Variants in GOLGA3 observed in about 807,000 individuals in gnomAD.
GOLGA3 encodes the protein golgin A3, also known as golgin subfamily A member 3.
In GOLGA3, 75 loss-of-function variants were observed where a neutral mutation model predicts 169.4. That is an observed-to-expected ratio of 0.44 (90% CI 0.37 to 0.54). The LOEUF (loss-of-function observed/expected upper bound fraction) is 0.54, where lower values mean the gene tolerates loss of function less well. Ranked by LOEUF, GOLGA3 falls within the 20% of genes least tolerant of loss-of-function variation. GOLGA3 has a pLI of 0.00. For missense variants in GOLGA3, 1,899 were observed against 1,930.0 expected, an observed-to-expected ratio of 0.98 and a Z score of 0.30; for synonymous variants, 824 against 822.4, an observed-to-expected ratio of 1.00 and a Z score of -0.03.
chr12:132,774,831 C>G, intron 22 of GOLGA3: 1 of 486,042 alleles, frequency 2.1e-6, no homozygotes, highest in Admixed American at 3.8e-5. Context: ...CTGGGCACAG[C>G]TCCCGGGCCC....
rs199615239 is a variant in GOLGA3 at position 132,784,326 on chromosome 12, C to T, written c.3124-19G>A. 1.6e-4 allele frequency: 256 copies of T among 1,596,292 alleles called. No individual in the cohort carries two copies. The Admixed American group carries it at 2.9e-3, about 18-fold the overall frequency. ...TCCTTTCCTAAGGGCCAAGATGGAA[C>T]GGGCGCTTGGTCATGGGACAGGCCC... On this transcript the variant is annotated intron_variant, in intron 15 of 23. Coordinates refer to ENST00000450791, the MANE Select transcript of GOLGA3 (RefSeq NM_001389683.1).
At position 132,789,154 on chromosome 12, in the gene GOLGA3, C is replaced by T. The variant is rs377011960; in HGVS notation, c.2684G>A (p.Arg895Gln). 24 of 1,612,454 alleles carry T rather than the reference C, an allele frequency of 1.5e-5. No homozygotes were observed. The highest frequency in any genetic ancestry group is 1.6e-4 in the Middle Eastern group (1 of 6,084). The change falls in exon 13 of 24, where the codon CGG (arginine) becomes CAG (glutamine). Residue 895 changes from arginine (R) to glutamine (Q), a missense_variant. Transcript: ENST00000450791. ...GCGCGAGAGCTCCGCCTCGGCAGTC[C>T]GCTTCTCCCCGTGCACTTGCATCAG... The part of the protein sequence containing the change: ...QELMQVHGEK[R>Q]TAEAELSRLH...
chr12:132,775,307 T>C lies in GOLGA3; in HGVS notation c.3979-2A>G, dbSNP rs754950471. ...CATCTCCAACTCAGACTTGACGTTCTGTGGAAAATGAAGTCAGATTTTTAA... is the reference window on the plus strand; with the variant it reads ...CATCTCCAACTCAGACTTGACGTTCCGTGGAAAATGAAGTCAGATTTTTAA... On this transcript the variant is annotated splice_acceptor_variant, in intron 21 of 23. Coordinates refer to ENST00000450791, the MANE Select transcript of GOLGA3 (RefSeq NM_001389683.1). LOFTEE classifies it high-confidence loss of function. 6.3e-7 allele frequency: 1 copy of C among 1,593,534 alleles called. No homozygotes were observed. The highest frequency in any genetic ancestry group is 8.5e-7 in the Non-Finnish European group (1 of 1,171,446).
intron 8 of GOLGA3, among the ~76,000 whole-genome samples, chr12:132,799,639 T>C (rs1949033838): frequency 1.3e-5 from 2 of 151,968 alleles, no homozygotes; most frequent in African/African-American, 4.8e-5. Flanking sequence ...CAAGACCCTG[T>C]CTCCGAAAAA....
intron 4 of GOLGA3, 149 bp from the exon 5 acceptor site, chr12:132,808,698 C>A (rs577663131): frequency 1.0e-5 from 7 of 701,114 alleles, no homozygotes; most frequent in African/African-American, 8.9e-5. Flanking sequence ...ACACAGGGTG[C>A]GGCCAGGCCT....
chr12:132,816,014 C>T (rs766101896), intron 3 of GOLGA3, among the ~76,000 whole-genome samples: 11 of 152,304 alleles, frequency 7.2e-5, no homozygotes, highest in Non-Finnish European at 1.3e-4. Flanking sequence ...TTGACTAACA[C>T]GGTGAAACCC....
chr12:132,809,443 C>G (rs11147085), intron 4 of GOLGA3, among the ~76,000 whole-genome samples: 4 of 148,924 alleles, frequency 2.7e-5, no homozygotes, highest in Non-Finnish European at 5.9e-5. Context: ...CCCGCCCCCC[C>G]GCCCCCCGGT....
At position 132,775,267 on chromosome 12, in the gene GOLGA3, C is replaced by T. The variant is rs761549510; in HGVS notation, c.4017G>A (p.Leu1339=). The T allele has an allele frequency of 1.9e-6, 3 of 1,613,756 alleles. No individual in the cohort carries two copies. The Admixed American group carries it at 5.0e-5, about 27-fold the overall frequency. Residue 1339 remains leucine (L), a synonymous_variant, in exon 22 of 24, where the codon CTG becomes CTA. Transcript: ENST00000450791. Reference sequence around the variant, plus strand: ...TAAATTTATCCTTCTGGGTCATGGACAGGTCTTCCTGGGCCATCTCCAACT... The same window carrying T: ...TAAATTTATCCTTCTGGGTCATGGATAGGTCTTCCTGGGCCATCTCCAACT... ...KSELEMAQED[L]SMTQKDKFML...
chr12:132,804,633 C>T lies in GOLGA3; in HGVS notation c.1597+83G>A, dbSNP rs1949299135. 21 of 1,124,904 alleles carry T rather than the reference C, an allele frequency of 1.9e-5. No individual in the cohort carries two copies. Among genetic ancestry groups the T allele is most frequent in the South Asian group, 2.8e-5 (2 of 72,008 alleles). The allele number at this position is 1,124,904 out of a possible 1,614,324, so 69.7% of individuals were successfully genotyped here. A position where few individuals can be genotyped will look rare whatever the true frequency, so the allele number is the denominator to read the frequency against. Reference sequence around the variant, plus strand: ...AGGACCAGTCAGGGAAGGAGGAGGGCGTGGCGGGGGCCAGTCGAGGAAGGA... The same window carrying T: ...AGGACCAGTCAGGGAAGGAGGAGGGTGTGGCGGGGGCCAGTCGAGGAAGGA... On this transcript the variant is annotated intron_variant, in intron 7 of 23. Coordinates refer to ENST00000450791, the MANE Select transcript of GOLGA3 (RefSeq NM_001389683.1). This position sits in a 1 kb window ranked among gnomAD's most constrained non-coding sequence, Gnocchi z 4.1.
At chr12:132,791,319 T>A in intron 11 of GOLGA3, 26 bp from the exon 12 acceptor site, 1 of 1,372,260 alleles carries the variant, frequency 7.3e-7, no homozygotes, top group Non-Finnish European at 1.0e-6. Context: ...GCACAGACAT[T>A]ACACTGACGG....
At chr12:132,812,355 G>A (rs138508808) in intron 4 of GOLGA3, among the ~76,000 whole-genome samples, 1 of 152,266 alleles carries the variant, frequency 6.6e-6, no homozygotes, top group East Asian at 1.9e-4. Flanking sequence ...CATGGATCAA[G>A]GACTAGTTTT....
chr12:132,827,671 T>A (rs985693491), intron 1 of GOLGA3: 1 of 152,210 alleles, frequency 6.6e-6, no homozygotes, highest in African/African-American at 2.4e-5. Context: ...ATCTGAGTGA[T>A]GTCAGATGAT....
chr12:132,796,772 T>A (rs1402497253), intron 9 of GOLGA3, 72 bp from the exon 10 acceptor site: 2 of 1,466,874 alleles, frequency 1.4e-6, no homozygotes, highest in Non-Finnish European at 1.9e-6. Flanking sequence ...GGCCCCGTGC[T>A]CTGCAGAGAA....
rs774783156 is a variant in GOLGA3, at chr12:132,789,124, T to C, written c.2714A>G (p.His905Arg). The part of the protein sequence containing the change: ...RTAEAELSRL[H>R]REVAQVRQHM... Reference sequence around the variant, plus strand: ...CTGACGGACCTGGGCCACCTCTCTGTGCAGGCGCGAGAGCTCCGCCTCGGC... The same window carrying C: ...CTGACGGACCTGGGCCACCTCTCTGCGCAGGCGCGAGAGCTCCGCCTCGGC... The change falls in exon 13 of 24, where the codon CAC (histidine) becomes CGC (arginine). Residue 905 changes from histidine (H) to arginine (R), a missense_variant. His to Arg is a conservative substitution (Grantham distance 29). Transcript: ENST00000450791. The C allele has an allele frequency of 4.3e-6, 7 of 1,613,440 alleles. No homozygotes were observed. Among genetic ancestry groups the C allele is most frequent in the South Asian group, 1.1e-5 (1 of 91,080 alleles).
chr12:132,779,633 G>C (rs1297157459), intron 18 of GOLGA3, among the ~76,000 whole-genome samples: 1 of 152,168 alleles, frequency 6.6e-6, no homozygotes, highest in Admixed American at 6.5e-5. Context: ...GTTCTTTCCT[G>C]CCTTTCTCTA....
chr12:132,810,484 C>T (rs1007690743), intron 4 of GOLGA3, among the ~76,000 whole-genome samples: 1 of 152,104 alleles, frequency 6.6e-6, no homozygotes, highest in Non-Finnish European at 1.5e-5. Flanking sequence ...TATCATTAAT[C>T]ATTAGTTTGC....
At chr12:132,800,242 T>C (rs1949066958) in intron 8 of GOLGA3, among the ~76,000 whole-genome samples, 1 of 152,194 alleles carries the variant, frequency 6.6e-6, no homozygotes, top group Non-Finnish European at 1.5e-5. Context: ...ACACCTGTAA[T>C]CCCAGCACTC....
intron 1 of GOLGA3, among the ~76,000 whole-genome samples, chr12:132,827,347 G>A (rs1950464581): frequency 6.6e-6 from 1 of 152,194 alleles, no homozygotes; most frequent in African/African-American, 2.4e-5. Flanking sequence ...GGGCAGGCTT[G>A]GAAGTCAGGA....
rs990612907 is a variant in GOLGA3, at chr12:132,816,561, G to A, written c.385C>T (p.Pro129Ser). Residue 129 changes from proline (P) to serine (S), a missense_variant, in exon 3 of 24, where the codon CCT (proline) becomes TCT (serine). Transcript: ENST00000450791. ...EALQSLRLSL[P>S]MQETQLCSTD... is the part of the protein sequence containing the mutation. ...TTACACAGTTGCGTTTCTTGCATAG[G>A]AAGACTGAGTCTGAGAGACTGCAAA... is the stretch of plus-strand genomic sequence containing the variant. The A allele has an allele frequency of 5.6e-6, 9 of 1,613,482 alleles. No homozygotes were observed. Among genetic ancestry groups the A allele is most frequent in the Non-Finnish European group, 7.6e-6 (9 of 1,179,678 alleles).
Sources: allele counts gnomAD v4.1 joint callset (sites outside exome capture counted in the v4.1 genomes callset), GRCh38; gene constraint gnomAD v4.1.1; non-coding constraint Gnocchi (gnomAD v3.1); transcripts MANE v1.5; gene names NCBI Gene and HGNC (gene_info 2026-07-23, HGNC 2026-07-21).